Variants in DNAJC17 observed in about 807,000 individuals in gnomAD.
DNAJC17 encodes DnaJ heat shock protein family (Hsp40) member C17.
DNAJC17 carries 35 observed loss-of-function variants against 48.1 expected under a neutral mutation model. The observed-to-expected ratio is 0.73, with a 90% confidence interval of 0.56 to 0.96. The LOEUF (loss-of-function observed/expected upper bound fraction) is 0.96, where lower values mean the gene tolerates loss of function less well. DNAJC17 is among the 50% of genes least tolerant of loss of function. The probability of loss-of-function intolerance (pLI) is 0.00; values close to 1 mark genes in which losing one functional copy is unlikely to be tolerated. For synonymous variants in DNAJC17, 117 were observed against 142.7 expected, an observed-to-expected ratio of 0.82 and a Z score of 1.28; for missense variants, 355 against 377.1, an observed-to-expected ratio of 0.94 and a Z score of 0.48.
chr15:40,777,786 A>G (rs1464742977), intron 4 of DNAJC17, among the ~76,000 whole-genome samples: 4 of 152,162 alleles, frequency 2.6e-5, no homozygotes, highest in Non-Finnish European at 5.9e-5. Flanking sequence ...AGTGAGAAAA[A>G]AAAAATGCTT....
intron 1 of DNAJC17, among the ~76,000 whole-genome samples, chr15:40,782,254 T>C (rs992198731): frequency 6.6e-6 from 1 of 151,214 alleles, no homozygotes; most frequent in African/African-American, 2.4e-5. Flanking sequence ...TTAAATTAAA[T>C]TAAAATAAAA....
chr15:40,773,875 A>T, intron 9 of DNAJC17, 38 bp from the exon 10 acceptor site: 1 of 1,576,574 alleles, frequency 6.3e-7, no homozygotes, highest in South Asian at 1.1e-5. Flanking sequence ...CCATCCGTTG[A>T]GTCAGCTATA....
intron 1 of DNAJC17, chr15:40,792,680 G>A (rs619526): frequency 0.18 from 35,982 of 200,886 alleles, 3,984 homozygotes; most frequent in East Asian, 0.51. Flanking sequence ...TTATCCAGGC[G>A]TGGTGGTGCA....
chr15:40,775,722 A>C (rs1442867216), intron 6 of DNAJC17, 126 bp from the exon 7 acceptor site: 6 of 936,668 alleles, frequency 6.4e-6, no homozygotes, highest in Non-Finnish European at 8.4e-6. Context: ...ATGCCTGCCC[A>C]GCTCTGGTGA....
intron 10 of DNAJC17, among the ~76,000 whole-genome samples, chr15:40,772,925 C>G (rs1889194578): frequency 1.3e-5 from 2 of 152,060 alleles, no homozygotes; most frequent in East Asian, 1.9e-4. Context: ...TGGGCAGGCA[C>G]CACCCCGTGT....
rs1889047168 is a variant in DNAJC17, at chr15:40,769,175, C to G, written c.793-1113G>C. On this transcript the variant is annotated intron_variant, in intron 10 of 10. Coordinates refer to ENST00000220496, the MANE Select transcript of DNAJC17 (RefSeq NM_018163.3). This position sits in a 1 kb window ranked among gnomAD's most constrained non-coding sequence, Gnocchi z 4.2. ...CTCCCCTCTCCCCGGCTGCAGCAGT[C>G]CCAGCTAGGCCGGACTGCTAAGCCT... Among the ~76,000 whole-genome samples, 1 of 152,208 alleles carries G rather than the reference C, an allele frequency of 6.6e-6. No homozygotes were observed. The highest frequency in any genetic ancestry group is 2.1e-4 in the South Asian group (1 of 4,832).
chr15:40,771,068 G>A, intron 10 of DNAJC17: 1 of 1,525,656 alleles, frequency 6.6e-7, no homozygotes, highest in East Asian at 2.5e-5. Context: ...AAGATCCAGA[G>A]GCTGGGGATT....
chr15:40,786,434 C>T (rs1396085687), intron 1 of DNAJC17, among the ~76,000 whole-genome samples: 4 of 152,220 alleles, frequency 2.6e-5, no homozygotes, highest in Middle Eastern at 3.4e-3. Flanking sequence ...GAAGGTGAGG[C>T]GGGAGGATCG....
At chr15:40,780,432 T>C (rs1889451638) in intron 1 of DNAJC17, 1 of 422,134 alleles carries the variant, frequency 2.4e-6, no homozygotes, top group Non-Finnish European at 4.7e-6. Context: ...CTTGTAGAAG[T>C]ATGGCAAAAA....
intron 1 of DNAJC17, among the ~76,000 whole-genome samples, chr15:40,797,398 G>A (rs1041358113): frequency 6.6e-6 from 1 of 151,796 alleles, no homozygotes; most frequent in Non-Finnish European, 1.5e-5. Context: ...ATAAAGTAGG[G>A]ACTCAAACAG....
intron 4 of DNAJC17, among the ~76,000 whole-genome samples, chr15:40,777,135 C>T (rs949171560): frequency 6.6e-6 from 1 of 152,148 alleles, no homozygotes; most frequent in Admixed American, 6.5e-5. Context: ...GGCATCACCC[C>T]GGGTCCTGGA....
chr15:40,776,238 T>G lies in DNAJC17; in HGVS notation c.436A>C (p.Ile146Leu), dbSNP rs1393990759. Residue 146 changes from isoleucine (I) to leucine (L), a missense_variant, in exon 6 of 11, where the codon ATC becomes CTC. Around this residue, in one of 3 missense-constraint regions of DNAJC17, gnomAD observed 199 missense variants for 199.9 expected, o/e 1.00. Transcript: ENST00000220496. ...SRQLEEQQRLIREQIRQERDQ... is the reference protein window; with the variant it reads ...SRQLEEQQRLLREQIRQERDQ... ...CGCTCCTGGCGTATCTGCTCCCGGATGAGCCTCTGCTGTTCCTCCAGCTGC... is the reference window on the plus strand; with the variant it reads ...CGCTCCTGGCGTATCTGCTCCCGGAGGAGCCTCTGCTGTTCCTCCAGCTGC... The G allele has an allele frequency of 6.2e-7, 1 of 1,614,026 alleles. No individual in the cohort carries two copies. Among genetic ancestry groups the G allele is most frequent in the African/African-American group, 1.3e-5 (1 of 74,910 alleles).
At chr15:40,786,910 A>C (rs936116857) in intron 1 of DNAJC17, among the ~76,000 whole-genome samples, 3 of 152,246 alleles carry the variant, frequency 2.0e-5, no homozygotes, top group African/African-American at 7.2e-5. Context: ...GGTTGAGTTT[A>C]ATCTGTTTTT....
intron 1 of DNAJC17, among the ~76,000 whole-genome samples, chr15:40,785,936 C>T (rs898759104): frequency 3.3e-5 from 5 of 152,214 alleles, no homozygotes; most frequent in Non-Finnish European, 7.4e-5. Flanking sequence ...AACTGTTAAA[C>T]CTGCCCTGGG....
At chr15:40,806,558 A>G (rs2141969357) in intron 1 of DNAJC17, among the ~76,000 whole-genome samples, 1 of 149,034 alleles carries the variant, frequency 6.7e-6, no homozygotes, top group South Asian at 2.1e-4. Flanking sequence ...TTTTTTGAGA[A>G]AGAGTCTTGC....
At chr15:40,778,149 G>A (rs1889381483) in intron 4 of DNAJC17, among the ~76,000 whole-genome samples, 1 of 151,608 alleles carries the variant, frequency 6.6e-6, no homozygotes, top group African/African-American at 2.4e-5. Context: ...CCATGATGGT[G>A]CCACCCTAGC....
At chr15:40,806,220 CTT>C (rs34520548) in intron 1 of DNAJC17, among the ~76,000 whole-genome samples, 93 of 122,840 alleles carry the variant, frequency 7.6e-4, no homozygotes, top group Middle Eastern at 4.5e-3. Flanking sequence ...TTTTTTTTTC[CTT>C]TTTTTTTTTT....
At position 40,770,745 on chromosome 15, in the gene DNAJC17, C is replaced by A. The variant is rs761562699; in HGVS notation, c.793-2683G>T. On this transcript the variant is annotated intron_variant, in intron 10 of 10. Transcript: ENST00000220496. This position sits in a 1 kb window ranked among gnomAD's most constrained non-coding sequence, Gnocchi z 5.0. ...CCTGCTGGCCCCACCCAAGCCCCCA[C>A]GCCTCTACCGAGAGAGCTCAAGCTG... 1.9e-6 allele frequency: 3 copies of A among 1,545,456 alleles called. No homozygotes were observed. The highest frequency in any genetic ancestry group is 2.6e-6 in the Non-Finnish European group (3 of 1,146,938).
At position 40,765,965 on chromosome 15, in the gene DNAJC17, A is replaced by T. The variant is rs771691439; in HGVS notation, c.*1975T>A. 12 of 1,025,480 alleles carry T rather than the reference A, an allele frequency of 1.2e-5. No homozygotes were observed. The Admixed American group carries it at 2.5e-4, about 22-fold the overall frequency. 63.5% of individuals were successfully genotyped at this position (1,025,480 alleles called of 1,614,324 possible). Reference sequence around the variant, plus strand: ...CAGTATCCTCTCCCTGCCAGCCCCTAGACCTGCCTCTGCTCCCTTTATACA... The same window carrying T: ...CAGTATCCTCTCCCTGCCAGCCCCTTGACCTGCCTCTGCTCCCTTTATACA... On this transcript the variant is annotated 3_prime_UTR_variant, in exon 11 of 11. Coordinates refer to ENST00000220496, the MANE Select transcript of DNAJC17 (RefSeq NM_018163.3).
Sources: allele counts gnomAD v4.1 joint callset (sites outside exome capture counted in the v4.1 genomes callset), GRCh38; gene constraint gnomAD v4.1.1; regional missense constraint gnomAD v4.1.1; non-coding constraint Gnocchi (gnomAD v3.1); transcripts MANE v1.5; gene names NCBI Gene and HGNC (gene_info 2026-07-23, HGNC 2026-07-21).